The following STAB2 variants were observed in gnomAD, a reference collection of about 807,000 sequenced individuals.
STAB2 encodes the protein stabilin 2, also known as stabilin-2.
In STAB2, 288 loss-of-function variants were observed where a neutral mutation model predicts 338.1. The observed-to-expected ratio is 0.85, with a 90% CI of 0.77 to 0.94. STAB2 has a LOEUF of 0.94. STAB2 is among the 40% of genes least tolerant of loss of function. The pLI is 0.00. For synonymous variants in STAB2, 1,202 were observed against 1,193.3 expected, an observed-to-expected ratio of 1.01 and a Z score of -0.15; for missense variants, 3,141 against 3,210.1, an observed-to-expected ratio of 0.98 and a Z score of 0.52.
At chr12:103,698,019 G>A (rs868502603) in intron 33 of STAB2, among the ~76,000 whole-genome samples, 3 of 152,168 alleles carry the variant, frequency 2.0e-5, no homozygotes, top group African/African-American at 4.8e-5. Context: ...CTGGCTCTGC[G>A]AGTGACGGGA....
At chr12:103,629,358 G>A (rs1404269800) in intron 5 of STAB2, among the ~76,000 whole-genome samples, 4 of 152,210 alleles carry the variant, frequency 2.6e-5, no homozygotes, top group Admixed American at 2.6e-4. Flanking sequence ...GCCTCTCCTG[G>A]CTGATATAAG....
chr12:103,686,952 G>T lies in STAB2; in HGVS notation c.2998-1216G>T, dbSNP rs562612354. 5.5e-4 allele frequency among the ~76,000 whole-genome samples: 83 copies of T among 152,068 alleles called. 1 individual carries two copies. The highest frequency in any genetic ancestry group is 2.0e-3 in the African/African-American group (81 of 41,460). On this transcript the variant is annotated intron_variant, in intron 27 of 68. Transcript: ENST00000388887. The stretch of plus-strand genomic sequence containing the variant: ...TCTCCCTTAAAATGTCCCCTCTAAG[G>T]GATTACTCAGGCATCTCTGCTCTTG...
At chr12:103,648,890 C>T in intron 10 of STAB2, 67 bp downstream of exon 10, 1 of 1,574,240 alleles carries the variant, frequency 6.4e-7, no homozygotes, top group Non-Finnish European at 8.6e-7. Context: ...CTGCAAGATA[C>T]AATGATTCAG....
chr12:103,707,945 G>A (rs749276257), intron 38 of STAB2, among the ~76,000 whole-genome samples: 14 of 152,176 alleles, frequency 9.2e-5, no homozygotes, highest in Non-Finnish European at 1.5e-4. Flanking sequence ...TCAGCAAACC[G>A]CTAAAGCTGA....
chr12:103,673,093 A>G lies in STAB2; in HGVS notation c.2372-814A>G, dbSNP rs116486586. Among the ~76,000 whole-genome samples the G allele has an allele frequency of 2.7e-3, 412 of 152,282 alleles. 8 individuals are homozygous for G. Among genetic ancestry groups the G allele is most frequent in the African/African-American group, 9.7e-3 (405 of 41,550 alleles). ...TGAAGTCAGTGCCCAAATATCGCCTATTGGTTATCATTGGTTTGATGTGAT... is the reference window on the plus strand; with the variant it reads ...TGAAGTCAGTGCCCAAATATCGCCTGTTGGTTATCATTGGTTTGATGTGAT... On this transcript the variant is annotated intron_variant, in intron 22 of 68. Coordinates refer to ENST00000388887, the MANE Select transcript of STAB2 (RefSeq NM_017564.10).
chr12:103,598,939 A>AG (rs1956916506), intron 3 of STAB2, among the ~76,000 whole-genome samples: 2 of 152,186 alleles, frequency 1.3e-5, no homozygotes, highest in African/African-American at 4.8e-5. Context: ...AGGAGTAAAA[A>AG]CAATTGTACC....
intron 44 of STAB2, among the ~76,000 whole-genome samples, chr12:103,724,060 G>T (rs1403139534): frequency 6.6e-6 from 1 of 152,142 alleles, no homozygotes; most frequent in African/African-American, 2.4e-5. Flanking sequence ...GCAACATCAA[G>T]AATGAAGGGA....
intron 9 of STAB2, among the ~76,000 whole-genome samples, chr12:103,642,016 A>C (rs1872960893): frequency 6.6e-6 from 1 of 152,196 alleles, no homozygotes. Flanking sequence ...GTCACAGAAG[A>C]CCACCTGATC....
intron 26 of STAB2, among the ~76,000 whole-genome samples, chr12:103,684,009 G>A (rs1249451976): frequency 6.6e-6 from 1 of 152,158 alleles, no homozygotes; most frequent in Non-Finnish European, 1.5e-5. Flanking sequence ...GACTTCCCAA[G>A]AGCCCAGAAC....
intron 47 of STAB2, among the ~76,000 whole-genome samples, chr12:103,728,250 C>T (rs952555420): frequency 6.6e-6 from 1 of 152,098 alleles, no homozygotes; most frequent in African/African-American, 2.4e-5. Context: ...CTCCTGGGTT[C>T]AAGTGATTCT....
rs1315451331 is a variant in STAB2 at position 103,652,664 on chromosome 12, A to G, written c.1366A>G (p.Thr456Ala). The G allele has an allele frequency of 1.2e-6, 2 of 1,603,986 alleles. No individual in the cohort carries two copies. Among genetic ancestry groups the G allele is most frequent in the Admixed American group, 1.7e-5 (1 of 58,346 alleles). The change falls in exon 12 of 69, where the codon ACC becomes GCC. Residue 456 changes from threonine (T) to alanine (A), a missense_variant. Transcript: ENST00000388887. ...EYMNNTDMFY[T>A]LTGKSGEIFN... ...TATGAATAACACAGACATGTTCTAC[A>G]CCTTGACTGGAAAGTCGGGGGAAAT... is the stretch of plus-strand genomic sequence containing the variant.
At chr12:103,745,787 C>A (rs1327558323) in intron 57 of STAB2, among the ~76,000 whole-genome samples, 2 of 152,194 alleles carry the variant, frequency 1.3e-5, no homozygotes, top group East Asian at 3.8e-4. Context: ...GCAGGGTCAG[C>A]GAGCATGGTT....
At chr12:103,719,653 T>C (rs1374444611) in intron 44 of STAB2, among the ~76,000 whole-genome samples, 1 of 152,260 alleles carries the variant, frequency 6.6e-6, no homozygotes, top group African/African-American at 2.4e-5. Flanking sequence ...AGGACATTTG[T>C]GGCATTAAGT....
intron 3 of STAB2, among the ~76,000 whole-genome samples, chr12:103,611,088 G>A (rs1173636936): frequency 6.6e-6 from 1 of 152,194 alleles, no homozygotes; most frequent in African/African-American, 2.4e-5. Context: ...TACATTTGCT[G>A]AGGAGTGCTT....
intron 34 of STAB2, among the ~76,000 whole-genome samples, chr12:103,701,019 A>G (rs1219586144): frequency 7.7e-6 from 1 of 129,424 alleles, no homozygotes; most frequent in South Asian, 2.9e-4. Flanking sequence ...CCACCCCACA[A>G]CAGTCCCCAG....
chr12:103,595,545 T>C (rs1020916157), intron 3 of STAB2, among the ~76,000 whole-genome samples: 10 of 152,224 alleles, frequency 6.6e-5, no homozygotes, highest in Admixed American at 3.3e-4. Flanking sequence ...TAATGTCTTT[T>C]GGGTTTTTTG....
Position 103,620,519 on chromosome 12 carries a change from A to T in STAB2, c.383A>T (p.Glu128Val), listed in dbSNP as rs1483772096. The change falls in exon 4 of 69, where the codon GAA becomes GTA. Residue 128 changes from glutamate to valine, a missense_variant. Physicochemically the swap from Glu to Val is moderately radical, Grantham distance 121 (BLOSUM62 -2). Coordinates refer to ENST00000388887, the MANE Select transcript of STAB2 (RefSeq NM_017564.10). The stretch of plus-strand genomic sequence containing the variant: ...TGCAATGGCAGAGGCAGTTGTGCTG[A>T]AGGCATGGAAGGAAATGGAACCTGC... ...SPCNGRGSCA[E>V]GMEGNGTCSC... 1 of 1,579,622 alleles carries T rather than the reference A, an allele frequency of 6.3e-7. No homozygotes were observed. The highest frequency in any genetic ancestry group is 8.6e-7 in the Non-Finnish European group (1 of 1,161,284).
rs375507728 is a variant in STAB2, at chr12:103,650,184, C to T, written c.1175-312C>T. Among the ~76,000 whole-genome samples, 24 of 151,958 alleles carry T rather than the reference C, an allele frequency of 1.6e-4. No homozygotes were observed. The East Asian group carries it at 3.7e-3, about 23-fold the overall frequency. On this transcript the variant is annotated intron_variant, in intron 10 of 68. Coordinates refer to ENST00000388887, the MANE Select transcript of STAB2 (RefSeq NM_017564.10). Reference sequence around the variant, plus strand: ...GACAGTGACAACTCAAAGTTAAGCGCAGGATCAGGGACCCTGGGGTTGTGG... The same window carrying T: ...GACAGTGACAACTCAAAGTTAAGCGTAGGATCAGGGACCCTGGGGTTGTGG...
At chr12:103,721,695 A>C (rs1880777692) in intron 44 of STAB2, among the ~76,000 whole-genome samples, 1 of 152,210 alleles carries the variant, frequency 6.6e-6, no homozygotes, top group Non-Finnish European at 1.5e-5. Context: ...TGTAATAAGA[A>C]GTCGCTTGGG....
Sources: allele counts gnomAD v4.1 joint callset (sites outside exome capture counted in the v4.1 genomes callset), GRCh38; gene constraint gnomAD v4.1.1; transcripts MANE v1.5; gene names NCBI Gene and HGNC (gene_info 2026-07-23, HGNC 2026-07-21).